The following VPS37C variants were observed in gnomAD, a reference collection of about 807,000 sequenced individuals.
The protein encoded by VPS37C is vacuolar protein sorting-associated protein 37C.
Under a neutral mutation model 16.1 loss-of-function variants are expected in VPS37C, and 9 were observed. That is an observed-to-expected ratio of 0.56 (90% CI 0.34 to 0.97). The LOEUF is 0.97. VPS37C is among the 50% of genes least tolerant of loss of function. VPS37C has a pLI of 0.02. For missense variants in VPS37C, 479 were observed against 472.7 expected (o/e 1.01, Z -0.12); for synonymous variants, 207 against 206.4 (o/e 1.00, Z -0.02).
intron 1 of VPS37C, among the ~76,000 whole-genome samples, chr11:61,142,811 G>A (rs1197921026): frequency 3.9e-5 from 2 of 51,158 alleles, no homozygotes; most frequent in African/African-American, 1.2e-4. Flanking sequence ...TAAGGGGTGG[G>A]GGGAGGGGGG....
intron 1 of VPS37C, among the ~76,000 whole-genome samples, chr11:61,149,264 C>T (rs778233928): frequency 6.6e-6 from 1 of 152,100 alleles, no homozygotes; most frequent in Non-Finnish European, 1.5e-5. Flanking sequence ...CCAGCCTCGG[C>T]GACAGAGCGA....
intron 1 of VPS37C, among the ~76,000 whole-genome samples, chr11:61,154,678 G>A (rs1853352560): frequency 6.6e-6 from 1 of 152,150 alleles, no homozygotes; most frequent in Admixed American, 6.5e-5. Context: ...GTTACTGACT[G>A]AAAAATTTCC....
At chr11:61,154,615 G>A (rs117504863) in intron 1 of VPS37C, among the ~76,000 whole-genome samples, 466 of 152,084 alleles carry the variant, frequency 3.1e-3, no homozygotes, top group Admixed American at 8.1e-3. Context: ...ACATGTAACT[G>A]GAGTCCCCGA....
intron 2 of VPS37C, among the ~76,000 whole-genome samples, chr11:61,137,805 C>T (rs1861405678): frequency 1.3e-5 from 2 of 152,180 alleles, no homozygotes; most frequent in Non-Finnish European, 2.9e-5. Flanking sequence ...TCACCTCCAA[C>T]CCCAGTTAAG....
chr11:61,133,252 C>CA lies in VPS37C; in HGVS notation c.348+2dup, dbSNP rs1402255465. On this transcript the variant is annotated splice_region_variant and intron_variant, in intron 4 of 4. Transcript: ENST00000301765. ...GAAGAGGGGTGTCGCCTCGCCCTCT[C>CA]ACCTCGGACTCTTCTTCGATCTTCA... The CA allele has an allele frequency of 7.4e-6, 12 of 1,613,980 alleles. No individual in the cohort carries two copies. Among genetic ancestry groups the CA allele is most frequent in the Non-Finnish European group, 7.6e-6 (9 of 1,180,018 alleles).
intron 1 of VPS37C, among the ~76,000 whole-genome samples, chr11:61,152,156 T>C (rs1161412170): frequency 2.6e-5 from 4 of 152,112 alleles, no homozygotes; most frequent in African/African-American, 9.7e-5. Flanking sequence ...ATGCAAGGTG[T>C]GTCTGTTCAA....
chr11:61,153,347 T>C (rs1477399893), intron 1 of VPS37C, among the ~76,000 whole-genome samples: 1 of 152,236 alleles, frequency 6.6e-6, no homozygotes, highest in Non-Finnish European at 1.5e-5. Context: ...CCTTCTGCCA[T>C]GATTGTAACT....
In VPS37C at chr11:61,132,505, G is replaced by A; in HGVS notation, c.383C>T (p.Pro128Leu). Residue 128 changes from proline (P) to leucine (L), a missense_variant, in exon 5 of 5, where the codon CCC (proline) becomes CTC (leucine). Pro to Leu is a moderately conservative substitution (Grantham distance 98). Coordinates refer to ENST00000301765, the MANE Select transcript of VPS37C (RefSeq NM_017966.5). ...MAEKFLEGEVPLETFLENFSS... is the reference protein window; with the variant it reads ...MAEKFLEGEVLLETFLENFSS... ...AAAATTCTCCAGGAACGTTTCCAGG[G>A]GCACCTCGCCCTCCAGGAACTTCTC... The A allele has an allele frequency of 6.2e-7, 1 of 1,609,470 alleles. No homozygotes were observed. The highest frequency in any genetic ancestry group is 1.1e-5 in the South Asian group (1 of 90,704).
intron 1 of VPS37C, among the ~76,000 whole-genome samples, chr11:61,152,313 G>C (rs1853309459): frequency 6.6e-6 from 1 of 152,142 alleles, no homozygotes; most frequent in South Asian, 2.1e-4. Flanking sequence ...AGGCAGACAG[G>C]TATAGCCACA....
chr11:61,155,450 G>C (rs1032299996), intron 1 of VPS37C, among the ~76,000 whole-genome samples: 1 of 151,972 alleles, frequency 6.6e-6, no homozygotes. Flanking sequence ...AGTGAGCTAT[G>C]ATCACGCCAC....
At chr11:61,133,948 A>G (rs1861317145) in intron 3 of VPS37C, 88 bp downstream of exon 3, 1 of 1,464,928 alleles carries the variant, frequency 6.8e-7, no homozygotes, top group African/African-American at 1.4e-5. Flanking sequence ...AAAAATATAC[A>G]TAAAGCACTT....
intron 1 of VPS37C, 132 bp from the exon 2 acceptor site, chr11:61,138,967 G>A: frequency 1.2e-6 from 1 of 803,992 alleles, no homozygotes; most frequent in Non-Finnish European, 2.0e-6. Context: ...GGAGGCTCGA[G>A]GAGAGGCAGA....
intron 4 of VPS37C, 43 bp downstream of exon 4, chr11:61,133,212 G>C: frequency 6.2e-7 from 1 of 1,604,832 alleles, no homozygotes; most frequent in African/African-American, 1.3e-5. Flanking sequence ...TGCAGGGACT[G>C]ACACCCCGTC....
chr11:61,147,616 G>A (rs1490225948), intron 1 of VPS37C, among the ~76,000 whole-genome samples: 1 of 151,990 alleles, frequency 6.6e-6, no homozygotes, highest in Non-Finnish European at 1.5e-5. Context: ...GTCATGCAAT[G>A]ATGGTTTTCC....
intron 2 of VPS37C, among the ~76,000 whole-genome samples, chr11:61,137,494 TG>T (rs1417231073): frequency 6.6e-6 from 1 of 152,346 alleles, no homozygotes; most frequent in East Asian, 1.9e-4. Context: ...TGCTCAGCTC[TG>T]CACACTCTAG....
chr11:61,135,210 G>A (rs192610410), intron 2 of VPS37C, among the ~76,000 whole-genome samples: 1 of 152,372 alleles, frequency 6.6e-6, no homozygotes, highest in Admixed American at 6.5e-5. Context: ...CGAGACATAG[G>A]AAGCCCGTGG....
Position 61,132,234 on chromosome 11 carries a change from A to G in VPS37C, c.654T>C (p.Thr218=). ...SPSPSLPVGP[T]AHGALPPAPF... ...GGGCCGGTGGCAGGGCTCCATGGGC[A>G]GTGGGGCCCACAGGCAGGCTGGGGG... Residue 218 remains threonine, a synonymous_variant, in exon 5 of 5, where the codon ACT becomes ACC. Coordinates refer to ENST00000301765, the MANE Select transcript of VPS37C (RefSeq NM_017966.5). 1 of 1,517,660 alleles carries G rather than the reference A, an allele frequency of 6.6e-7. No homozygotes were observed. 94.0% of individuals were successfully genotyped at this position (1,517,660 alleles called of 1,614,324 possible).
rs145244486 is a variant in VPS37C, at chr11:61,147,506, G to T, written c.-6-8671C>A. On this transcript the variant is annotated intron_variant, in intron 1 of 4. Transcript: ENST00000301765. ...GCAGCGCCACGTCCCCAGCAAGGAG[G>T]CCACAGAACTTCCTAGCAGACCGGG... Among the ~76,000 whole-genome samples the T allele has an allele frequency of 3.6e-3, 553 of 152,240 alleles. 4 individuals are homozygous for T. The highest frequency in any genetic ancestry group is 0.013 in the African/African-American group (536 of 41,536).
intron 2 of VPS37C, among the ~76,000 whole-genome samples, chr11:61,136,238 T>C (rs1430801001): frequency 6.7e-6 from 1 of 148,174 alleles, no homozygotes; most frequent in Non-Finnish European, 1.5e-5. Context: ...CAATCTCGGC[T>C]CACTTCAACC....
Sources: gnomAD v4.1 joint callset for allele counts (sites outside exome capture counted in the v4.1 genomes callset) on GRCh38, gnomAD v4.1.1 for gene constraint, MANE v1.5 for transcripts, NCBI Gene and HGNC (gene_info 2026-07-23, HGNC 2026-07-21) for gene names.